ZBTB8A: variants seen among roughly 807,000 people sequenced by gnomAD.
ZBTB8A encodes zinc finger and BTB domain containing 8A.
In ZBTB8A, 19 loss-of-function variants were observed where a neutral mutation model predicts 37.8. The observed-to-expected ratio is 0.50, with a 90% CI of 0.35 to 0.74. ZBTB8A has a LOEUF of 0.74. ZBTB8A is among the 30% of genes least tolerant of loss of function. ZBTB8A has a pLI of 0.01. For synonymous variants in ZBTB8A, 181 were observed against 185.2 expected (o/e 0.98, Z 0.19); for missense variants, 394 against 537.8 (o/e 0.73, Z 2.65).
intron 2 of ZBTB8A, among the ~76,000 whole-genome samples, chr1:32,557,052 A>T (rs1644208609): frequency 6.6e-6 from 1 of 152,208 alleles, no homozygotes; most frequent in Admixed American, 6.6e-5. Context: ...CTGTAATCCC[A>T]TCACTTTGGG....
chr1:32,574,166 TGTAGA>T (rs1022353863), intron 2 of ZBTB8A, among the ~76,000 whole-genome samples: 40 of 152,290 alleles, frequency 2.6e-4, no homozygotes, highest in Middle Eastern at 3.4e-3. Flanking sequence ...TTTTGATTTG[TGTAGA>T]GTATTCTATA....
chr1:32,578,354 G>A (rs1423866216), intron 2 of ZBTB8A, among the ~76,000 whole-genome samples: 1 of 151,586 alleles, frequency 6.6e-6, no homozygotes, highest in Non-Finnish European at 1.5e-5. Flanking sequence ...TGGGATTACA[G>A]GCCTGAGCCA....
intron 4 of ZBTB8A, 132 bp downstream of exon 4, chr1:32,595,355 C>CACCTCTG (rs1476574206): frequency 3.5e-6 from 3 of 857,154 alleles, no homozygotes; most frequent in Non-Finnish European, 5.3e-6. Context: ...GCAACCTCTG[C>CACCTCTG]CTCCCGGGTT....
chr1:32,585,734 GC>G (rs1349016871), intron 2 of ZBTB8A, among the ~76,000 whole-genome samples: 1 of 152,146 alleles, frequency 6.6e-6, no homozygotes, highest in Non-Finnish European at 1.5e-5. Context: ...AGCCCTGGTG[GC>G]TCAACACCTG....
chr1:32,593,647 A>G lies in ZBTB8A; in HGVS notation c.716A>G (p.His239Arg). ...GTACGAACATCTGATTCTTCCAGCC[A>G]TGTTTCCCAGTCTGAAGAACAAGCA... ...REVRTSDSSS[H>R]VSQSEEQAQI... Residue 239 changes from histidine (H) to arginine (R), a missense_variant, in exon 3 of 5, where the codon CAT (histidine) becomes CGT (arginine). Physicochemically the swap from His to Arg is conservative, Grantham distance 29. Around this residue, in one of 4 missense-constraint regions of ZBTB8A, gnomAD observed 171 missense variants for 186.8 expected, o/e 0.92. Transcript: ENST00000373510. 1.2e-6 allele frequency: 2 copies of G among 1,614,190 alleles called. No homozygotes were observed. Among genetic ancestry groups the G allele is most frequent in the Non-Finnish European group, 1.7e-6 (2 of 1,180,040 alleles).
chr1:32,592,837 G>C, intron 2 of ZBTB8A, 94 bp from the exon 3 acceptor site: 5 of 1,060,534 alleles, frequency 4.7e-6, no homozygotes, highest in Non-Finnish European at 5.4e-6. Flanking sequence ...CCACTGCACT[G>C]CAGCCTGGGC....
At chr1:32,540,951 A>G (rs1644047962) in intron 1 of ZBTB8A, among the ~76,000 whole-genome samples, 1 of 152,246 alleles carries the variant, frequency 6.6e-6, no homozygotes, top group Non-Finnish European at 1.5e-5. Context: ...GAAGGAGGCC[A>G]CACCACTAAC....
chr1:32,561,601 G>A (rs1644244452), intron 2 of ZBTB8A, among the ~76,000 whole-genome samples: 4 of 152,010 alleles, frequency 2.6e-5, no homozygotes, highest in Admixed American at 2.6e-4. Context: ...CCAGCCTGTT[G>A]CCTAGGTTGG....
intron 1 of ZBTB8A, among the ~76,000 whole-genome samples, chr1:32,541,409 C>A (rs1362906391): frequency 6.6e-6 from 1 of 152,182 alleles, no homozygotes; most frequent in Non-Finnish European, 1.5e-5. Flanking sequence ...GCTCTTCCCC[C>A]AGACACCCAC....
intron 2 of ZBTB8A, among the ~76,000 whole-genome samples, chr1:32,574,161 AT>A (rs1644343712): frequency 6.6e-6 from 1 of 152,088 alleles, no homozygotes; most frequent in South Asian, 2.1e-4. Flanking sequence ...ACACATTTTG[AT>A]TTGTGTAGAG....
chr1:32,552,181 T>A (rs1644162091), intron 1 of ZBTB8A, among the ~76,000 whole-genome samples: 1 of 152,006 alleles, frequency 6.6e-6, no homozygotes, highest in East Asian at 1.9e-4. Flanking sequence ...CTGGGCAACA[T>A]GACGAAACCT....
chr1:32,589,405 C>G (rs896101979), intron 2 of ZBTB8A, among the ~76,000 whole-genome samples: 1 of 151,874 alleles, frequency 6.6e-6, no homozygotes, highest in Non-Finnish European at 1.5e-5. Flanking sequence ...CACCTGCCAC[C>G]ACACCCAGCT....
chr1:32,547,828 CAAAAAAAAAA>C (rs1194254576), intron 1 of ZBTB8A, among the ~76,000 whole-genome samples: 2 of 30,478 alleles, frequency 6.6e-5, no homozygotes, highest in African/African-American at 1.4e-4. Context: ...ACAAACAAAG[CAAAAAAAAAA>C]AAAAAAAAAA....
chr1:32,542,057 C>T (rs533438305), intron 1 of ZBTB8A, among the ~76,000 whole-genome samples: 1 of 152,140 alleles, frequency 6.6e-6, no homozygotes, highest in African/African-American at 2.4e-5. Flanking sequence ...GTAACCCCAT[C>T]GTCAGTTGAA....
chr1:32,560,100 C>T (rs962970710), intron 2 of ZBTB8A, among the ~76,000 whole-genome samples: 10 of 151,888 alleles, frequency 6.6e-5, no homozygotes, highest in Admixed American at 5.9e-4. Context: ...CTGGAGTGGG[C>T]GGAAGAGAGG....
At chr1:32,591,938 G>A (rs1644493429) in intron 2 of ZBTB8A, among the ~76,000 whole-genome samples, 1 of 152,042 alleles carries the variant, frequency 6.6e-6, no homozygotes, top group Non-Finnish European at 1.5e-5. Context: ...CTACCTCCCA[G>A]GATCAAGCGA....
chr1:32,594,818 A>G (rs1644517177), intron 3 of ZBTB8A, among the ~76,000 whole-genome samples: 2 of 152,052 alleles, frequency 1.3e-5, no homozygotes, highest in Admixed American at 1.3e-4. Flanking sequence ...TTCTAAATAT[A>G]TCAAATACCG....
chr1:32,573,352 G>A (rs1203507229), intron 2 of ZBTB8A, among the ~76,000 whole-genome samples: 1 of 150,938 alleles, frequency 6.6e-6, no homozygotes, highest in Non-Finnish European at 1.5e-5. Context: ...GTGATTACAG[G>A]CGTGAGCCAC....
chr1:32,560,294 A>G (rs1454410376), intron 2 of ZBTB8A, among the ~76,000 whole-genome samples: 1 of 152,120 alleles, frequency 6.6e-6, no homozygotes, highest in Non-Finnish European at 1.5e-5. Context: ...ACAGATTCAA[A>G]CTATATCACT....
Sources: allele counts gnomAD v4.1 joint callset (sites outside exome capture counted in the v4.1 genomes callset), GRCh38; gene constraint gnomAD v4.1.1; regional missense constraint gnomAD v4.1.1; transcripts MANE v1.5; gene names NCBI Gene and HGNC (gene_info 2026-07-23, HGNC 2026-07-21).